TNNT1: variants seen among roughly 807,000 people sequenced by gnomAD.
TNNT1 encodes troponin T, slow skeletal muscle.
A neutral mutation model predicts 50.6 loss-of-function variants in TNNT1; 53 were observed. The observed-to-expected ratio is 1.05, with a 90% CI of 0.84 to 1.32. The LOEUF is 1.32. Ranked by LOEUF, TNNT1 falls within the 40% of genes most tolerant of loss-of-function variation. The probability of loss-of-function intolerance (pLI) is 0.00; values close to 1 mark genes in which losing one functional copy is unlikely to be tolerated. For missense variants in TNNT1, 348 were observed against 381.7 expected, an observed-to-expected ratio of 0.91 and a Z score of 0.74; for synonymous variants, 142 against 138.0, an observed-to-expected ratio of 1.03 and a Z score of -0.20.
At chr19:55,146,754 G>A (rs1477776312) in intron 3 of TNNT1, 47 bp from the exon 4 acceptor site, 2 of 1,434,412 alleles carry the variant, frequency 1.4e-6, no homozygotes, top group East Asian at 2.4e-5. Context: ...CTGGGGGAGG[G>A]ATGGGGGCGG....
intron 11 of TNNT1, among the ~76,000 whole-genome samples, chr19:55,134,909 A>G (rs2085322545): frequency 6.7e-6 from 1 of 149,604 alleles, no homozygotes; most frequent in African/African-American, 2.5e-5. Context: ...TGCAGTTAGA[A>G]GCCCCTGGTT....
chr19:55,146,998 C>T lies in TNNT1; in HGVS notation c.46+10G>A. 6.2e-7 allele frequency: 1 copy of T among 1,607,018 alleles called. No individual in the cohort carries two copies. On this transcript the variant is annotated intron_variant, in intron 3 of 13. Coordinates refer to ENST00000588981, the MANE Select transcript of TNNT1 (RefSeq NM_003283.6). ...CCCCATCCCATAGGGCCGGCCCACTCCCTACTCACCTTCCGGCTGCTCCCT... is the reference window on the plus strand; with the variant it reads ...CCCCATCCCATAGGGCCGGCCCACTTCCTACTCACCTTCCGGCTGCTCCCT...
chr19:55,135,525 CTTTTTTTTTT>C (rs35798514), intron 11 of TNNT1: 1 of 167,846 alleles, frequency 6.0e-6, no homozygotes, highest in African/African-American at 3.1e-5. Flanking sequence ...TCACCTCAGC[CTTTTTTTTTT>C]TTTTTTTTTA....
At chr19:55,136,858 T>C (rs1568837408) in intron 11 of TNNT1, among the ~76,000 whole-genome samples, 1 of 152,118 alleles carries the variant, frequency 6.6e-6, no homozygotes, top group Non-Finnish European at 1.5e-5. Context: ...GGAAGTCATC[T>C]TGTCTGGCTT....
At position 55,147,344 on chromosome 19, in the gene TNNT1, GCC is replaced by G. The variant is rs1307435449; in HGVS notation, c.-11-178_-11-177del. On this transcript the variant is annotated intron_variant, in intron 1 of 13. Transcript: ENST00000588981. ...TGGGTGTGAGAGAGGAGGAGCTGGGGCCTGGACTCCTGGGTCTGAGGAAGGAG... is the reference window on the plus strand; with the variant it reads ...TGGGTGTGAGAGAGGAGGAGCTGGGGTGGACTCCTGGGTCTGAGGAAGGAG... The G allele has an allele frequency of 1.3e-4, 81 of 605,216 alleles. 21 individuals carry two copies. The highest frequency in any genetic ancestry group is 1.2e-3 in the South Asian group (58 of 49,930). 37.5% of individuals were successfully genotyped at this position (605,216 alleles called of 1,614,324 possible). A position where few individuals can be genotyped will look rare whatever the true frequency, so the allele number is the denominator to read the frequency against.
intron 9 of TNNT1, 104 bp from the exon 10 acceptor site, chr19:55,138,178 G>A (rs916983249): frequency 1.3e-5 from 21 of 1,585,920 alleles, no homozygotes; most frequent in African/African-American, 6.7e-5. Flanking sequence ...ACCCAGTGCC[G>A]CAGAGGCTGC....
intron 9 of TNNT1, among the ~76,000 whole-genome samples, chr19:55,139,215 G>A (rs975671550): frequency 1.6e-4 from 25 of 152,154 alleles, no homozygotes; most frequent in Admixed American, 1.3e-3. Flanking sequence ...GGCCAGGCTG[G>A]TCTCAAACTC....
chr19:55,145,421 A>G, intron 6 of TNNT1, 123 bp downstream of exon 6: 2 of 837,936 alleles, frequency 2.4e-6, no homozygotes, highest in Non-Finnish European at 2.0e-6. Flanking sequence ...GGAGGAGGAG[A>G]AATGTCGACT....
intron 5 of TNNT1, 107 bp downstream of exon 5, chr19:55,146,326 TG>T: frequency 2.0e-6 from 1 of 509,328 alleles, no homozygotes. Context: ...GGGCGGGTTA[TG>T]GGGGCGGAGG....
intron 10 of TNNT1, 43 bp downstream of exon 10, chr19:55,137,918 C>T: frequency 6.2e-7 from 1 of 1,611,916 alleles, no homozygotes; most frequent in Middle Eastern, 1.7e-4. Flanking sequence ...CCAGCCCCTG[C>T]CCCCTCAGAA....
At chr19:55,146,580 A>C in intron 4 of TNNT1, 101 bp downstream of exon 4, 5 of 1,214,490 alleles carry the variant, frequency 4.1e-6, no homozygotes, top group Non-Finnish European at 5.5e-6. Flanking sequence ...GAGGACCGGG[A>C]GCCGAGGCCG....
At chr19:55,143,579 C>T (rs927603001) in intron 6 of TNNT1, among the ~76,000 whole-genome samples, 10 of 151,972 alleles carry the variant, frequency 6.6e-5, no homozygotes, top group African/African-American at 2.4e-4. Flanking sequence ...TTGGAAAAGT[C>T]GATAAGCTCC....
intron 9 of TNNT1, among the ~76,000 whole-genome samples, chr19:55,138,308 C>T (rs1356477544): frequency 5.4e-5 from 8 of 149,222 alleles, no homozygotes; most frequent in Non-Finnish European, 8.9e-5. Context: ...GACGGACTCT[C>T]GCTCTGTTGC....
intron 9 of TNNT1, among the ~76,000 whole-genome samples, chr19:55,138,568 G>A (rs2085396921): frequency 6.6e-6 from 1 of 152,014 alleles, no homozygotes; most frequent in African/African-American, 2.4e-5. Flanking sequence ...GTGAGCCACC[G>A]CACCTGGCCC....
rs1482626586 is a variant in TNNT1, at chr19:55,140,910, C to T, written c.360G>A (p.Lys120=). The change falls in exon 9 of 14, where the codon AAG becomes AAA. Residue 120 remains lysine (K), a synonymous_variant. Transcript: ENST00000588981. ...CCAGCTTAGCCTGACGTTCGCGTTCCTTCTCAGTTCTGAAGCGCTGTTGCT... is the reference window on the plus strand; with the variant it reads ...CCAGCTTAGCCTGACGTTCGCGTTCTTTCTCAGTTCTGAAGCGCTGTTGCT... ...RAEQQRFRTE[K]ERERQAKLAE... 1 of 1,613,798 alleles carries T rather than the reference C, an allele frequency of 6.2e-7. No individual in the cohort carries two copies. The highest frequency in any genetic ancestry group is 2.2e-5 in the East Asian group (1 of 44,884).
chr19:55,147,678 G>C (rs1249699735), intron 1 of TNNT1, among the ~76,000 whole-genome samples: 7 of 100,376 alleles, frequency 7.0e-5, no homozygotes, highest in Admixed American at 2.0e-4. Flanking sequence ...AGGAGGGGCT[G>C]GGGTCTGGAC....
At chr19:55,137,840 C>T (rs2085381246) in intron 10 of TNNT1, 121 bp downstream of exon 10, 2 of 1,267,562 alleles carry the variant, frequency 1.6e-6, no homozygotes, top group Admixed American at 1.9e-5. Flanking sequence ...AGGGCCCAGC[C>T]CCTCCTCCCT....
At position 55,141,854 on chromosome 19, in the gene TNNT1, T is replaced by TA. The variant is rs2085462282; in HGVS notation, c.192+2dup. The TA allele has an allele frequency of 4.3e-6, 7 of 1,613,918 alleles. No individual in the cohort carries two copies. The highest frequency in any genetic ancestry group is 5.9e-6 in the Non-Finnish European group (7 of 1,179,884). ...GCCTGCGGAGGGGTCTCTTGTCACT[T>TA]ACATCGAAGTCAACGCGCTCCCCTT... On this transcript the variant is annotated splice_region_variant and intron_variant, in intron 7 of 13. Transcript: ENST00000588981.
intron 5 of TNNT1, among the ~76,000 whole-genome samples, chr19:55,145,850 C>T (rs530876098): frequency 2.0e-5 from 3 of 151,972 alleles, no homozygotes; most frequent in African/African-American, 7.3e-5. Flanking sequence ...GTGCAAACCC[C>T]CAGACCTTTC....
Sources: allele counts gnomAD v4.1 joint callset (sites outside exome capture counted in the v4.1 genomes callset), GRCh38; gene constraint gnomAD v4.1.1; transcripts MANE v1.5; gene names NCBI Gene and HGNC (gene_info 2026-07-23, HGNC 2026-07-21).